The following RORA variants were observed in gnomAD, a reference collection of about 807,000 sequenced individuals.
The protein encoded by RORA is RAR related orphan receptor A, also known as nuclear receptor ROR-alpha.
In RORA, 7 loss-of-function variants were observed where a neutral mutation model predicts 69.5. The ratio of observed to expected loss-of-function variants is 0.10; its 90% CI spans 0.06 to 0.19. The LOEUF (loss-of-function observed/expected upper bound fraction) is 0.19, where lower values mean the gene tolerates loss of function less well. Ranked by LOEUF, RORA falls within the 10% of genes least tolerant of loss-of-function variation. The pLI, the probability that RORA is intolerant of heterozygous loss-of-function variation, is 1.00. For synonymous variants in RORA, 261 were observed against 240.8 expected (o/e 1.08, Z -0.78); for missense variants, 457 against 663.0 (o/e 0.69, Z 3.41).
chr15:60,538,582 T>C (rs1285393059), intron 2 of RORA, among the ~76,000 whole-genome samples: 1 of 152,200 alleles, frequency 6.6e-6, no homozygotes, highest in Non-Finnish European at 1.5e-5. Context: ...TTTTTAATCA[T>C]TGGTTTCCAA....
chr15:60,961,794 G>C (rs1893422480), intron 1 of RORA, among the ~76,000 whole-genome samples: 1 of 152,232 alleles, frequency 6.6e-6, no homozygotes, highest in Non-Finnish European at 1.5e-5. Flanking sequence ...AGTGTAATGA[G>C]ACACAGATTG....
rs200918597 is a variant in RORA at position 60,823,070 on chromosome 15, CCCTT to C, written c.167-144388_167-144385del. ...TCTCTCTCCCTCCCCTCCCCTCCCT[CCCTT>C]CCTTCCTTCCTTCTTTCCTTCCTTC... On this transcript the variant is annotated intron_variant, in intron 1 of 10. Transcript: ENST00000335670. 5.5e-4 allele frequency among the ~76,000 whole-genome samples: 74 copies of C among 135,776 alleles called. 1 individual carries two copies. Among genetic ancestry groups the C allele is most frequent in the East Asian group, 1.1e-3 (5 of 4,364 alleles). 89.1% of individuals were successfully genotyped at this position (135,776 alleles called of 152,430 possible).
chr15:60,645,420 AT>A (rs11382212), intron 2 of RORA, among the ~76,000 whole-genome samples: 33,250 of 135,314 alleles, frequency 0.25, 3,950 homozygotes, highest in East Asian at 0.54. Flanking sequence ...TGACAGATAA[AT>A]TTTTTTTTTT....
At chr15:60,935,578 C>A (rs1892496885) in intron 1 of RORA, among the ~76,000 whole-genome samples, 1 of 152,230 alleles carries the variant, frequency 6.6e-6, no homozygotes. Flanking sequence ...TACACTGGAA[C>A]AGAAAATCAG....
intron 2 of RORA, among the ~76,000 whole-genome samples, chr15:60,536,660 T>C (rs745733639): frequency 6.6e-6 from 1 of 152,274 alleles, no homozygotes; most frequent in Non-Finnish European, 1.5e-5. Context: ...TCTAGCTCAA[T>C]TGCACAACCA....
In RORA at chr15:60,889,341, G is replaced by T. The variant is rs1382388650; in HGVS notation, c.167-210655C>A. 3.8e-5 allele frequency among the ~76,000 whole-genome samples: 3 copies of T among 79,674 alleles called. No homozygotes were observed. The East Asian group carries it at 1.2e-3, about 31-fold the overall frequency. 52.3% of individuals were successfully genotyped at this position (79,674 alleles called of 152,430 possible). On this transcript the variant is annotated intron_variant, in intron 1 of 10. Coordinates refer to ENST00000335670, the MANE Select transcript of RORA (RefSeq NM_134261.3). ...GTGCTTAGAGAGAAAGACAGGGAAG[G>T]GAGTGGGGCGGGGGGGGGGGGAAGG...
chr15:60,630,194 T>G (rs1477165196), intron 2 of RORA, among the ~76,000 whole-genome samples: 1 of 152,206 alleles, frequency 6.6e-6, no homozygotes, highest in African/African-American at 2.4e-5. Flanking sequence ...AATCAGAATA[T>G]ACATTCCCTG....
At chr15:60,542,694 C>T (rs1225147423) in intron 2 of RORA, among the ~76,000 whole-genome samples, 7 of 147,374 alleles carry the variant, frequency 4.7e-5, no homozygotes, top group South Asian at 4.3e-4. Context: ...CTCCCACACA[C>T]GGCACACGGG....
chr15:61,190,544 T>G (rs1367602636), intron 1 of RORA, among the ~76,000 whole-genome samples: 1 of 152,172 alleles, frequency 6.6e-6, no homozygotes, highest in Non-Finnish European at 1.5e-5. Context: ...GCAAATCGCT[T>G]GAGCCCAGGA....
chr15:60,782,209 G>C (rs1465941466), intron 1 of RORA, among the ~76,000 whole-genome samples: 2 of 152,108 alleles, frequency 1.3e-5, no homozygotes, highest in Non-Finnish European at 2.9e-5. Context: ...TGGCGACAGA[G>C]TGAGACTCCA....
At chr15:61,076,149 T>C (rs377370198) in intron 1 of RORA, among the ~76,000 whole-genome samples, 33 of 152,296 alleles carry the variant, frequency 2.2e-4, no homozygotes, top group African/African-American at 7.9e-4. Flanking sequence ...GACAGGAGCA[T>C]GCGTCAGATG....
intron 1 of RORA, among the ~76,000 whole-genome samples, chr15:61,153,017 G>A (rs2079410870): frequency 6.6e-6 from 1 of 152,248 alleles, no homozygotes; most frequent in Non-Finnish European, 1.5e-5. Context: ...ACTGGCCTTT[G>A]AAGGGTGGGT....
At chr15:60,589,362 T>C (rs1233628523) in intron 2 of RORA, among the ~76,000 whole-genome samples, 1 of 152,228 alleles carries the variant, frequency 6.6e-6, no homozygotes, top group Non-Finnish European at 1.5e-5. Flanking sequence ...AAATTCCCTT[T>C]AAGCCTCCCT....
Position 60,802,969 on chromosome 15 carries a change from T to A in RORA, c.167-124283A>T, listed in dbSNP as rs941595537. 3.3e-5 allele frequency among the ~76,000 whole-genome samples: 5 copies of A among 152,174 alleles called. No individual in the cohort carries two copies. The East Asian group carries it at 5.8e-4, about 18-fold the overall frequency. The stretch of plus-strand genomic sequence containing the variant: ...TTTGTTTCTTTTTTAAAAAAAAAAA[T>A]TTAAAGCCATACCACTTTATTTTGA... On this transcript the variant is annotated intron_variant, in intron 1 of 10. Coordinates refer to ENST00000335670, the MANE Select transcript of RORA (RefSeq NM_134261.3).
At chr15:60,790,104 C>A (rs2072394087) in intron 1 of RORA, among the ~76,000 whole-genome samples, 1 of 152,204 alleles carries the variant, frequency 6.6e-6, no homozygotes. Flanking sequence ...GTGGCTCACA[C>A]AGGTTAAGTC....
intron 1 of RORA, among the ~76,000 whole-genome samples, chr15:60,750,075 G>T (rs1355500457): frequency 2.6e-5 from 4 of 152,162 alleles, no homozygotes; most frequent in African/African-American, 9.7e-5. Flanking sequence ...TATGTGCCAA[G>T]TATTTTTCAT....
At chr15:60,867,416 T>C (rs935456660) in intron 1 of RORA, among the ~76,000 whole-genome samples, 7 of 152,144 alleles carry the variant, frequency 4.6e-5, no homozygotes, top group Admixed American at 2.0e-4. Flanking sequence ...TTGAGTTTAA[T>C]TGTAGAACAC....
chr15:60,499,974 A>G lies in RORA; in HGVS notation c.1325T>C (p.Ile442Thr). The G allele has an allele frequency of 6.2e-7, 1 of 1,612,626 alleles. No individual in the cohort carries two copies. Among genetic ancestry groups the G allele is most frequent in the Non-Finnish European group, 8.5e-7 (1 of 1,179,172 alleles). The change falls in exon 10 of 11, where the codon ATT (isoleucine) becomes ACT (threonine). Residue 442 changes from isoleucine (I) to threonine (T), a missense_variant. By Grantham distance (89) the Ile-to-Thr change is moderately conservative. Transcript: ENST00000335670. Reference protein sequence around the residue: ...DRSWLQEKVKIEKLQQKIQLA... With the variant: ...DRSWLQEKVKTEKLQQKIQLA... The stretch of plus-strand genomic sequence containing the variant: ...CTGAATTTTCTGTTGCAGTTTTTCA[A>G]TTTTTACCTTTTCTTGCAGCCATGA...
intron 3 of RORA, among the ~76,000 whole-genome samples, chr15:60,516,171 ATT>A (rs1491521789): frequency 3.5e-5 from 1 of 28,494 alleles, no homozygotes; most frequent in African/African-American, 1.5e-4. Flanking sequence ...TTATATATAT[ATT>A]TATATATATA....
Sources: allele counts gnomAD v4.1 joint callset (sites outside exome capture counted in the v4.1 genomes callset), GRCh38; gene constraint gnomAD v4.1.1; transcripts MANE v1.5; gene names NCBI Gene and HGNC (gene_info 2026-07-23, HGNC 2026-07-21).